Variants in ARID1B observed in about 807,000 individuals in gnomAD.
ARID1B encodes AT-rich interactive domain-containing protein 1B.
A neutral mutation model predicts 212.3 loss-of-function variants in ARID1B; 30 were observed. The ratio of observed to expected loss-of-function variants is 0.14; its 90% CI spans 0.11 to 0.19. The LOEUF is 0.19. Among genes scored for constraint, ARID1B ranks in the 10% least tolerant of loss-of-function variants. The pLI is 1.00. For missense variants in ARID1B, 2,891 were observed against 3,204.0 expected, an observed-to-expected ratio of 0.90 and a Z score of 2.36; for synonymous variants, 1,402 against 1,301.7, an observed-to-expected ratio of 1.08 and a Z score of -1.66.
intron 2 of ARID1B, among the ~76,000 whole-genome samples, chr6:156,850,286 A>G (rs1403816158): frequency 5.3e-5 from 8 of 152,104 alleles, no homozygotes; most frequent in South Asian, 2.1e-4. Context: ...TGACTGGACA[A>G]TATGAATCTG....
chr6:157,002,974 A>G (rs1027989925), intron 4 of ARID1B, among the ~76,000 whole-genome samples: 57 of 152,216 alleles, frequency 3.7e-4, no homozygotes, highest in African/African-American at 1.3e-3. Context: ...GACCAGAAAC[A>G]TGCCAGAGCA....
intron 7 of ARID1B, among the ~76,000 whole-genome samples, chr6:157,142,411 A>G (rs1156591686): frequency 6.6e-6 from 1 of 152,270 alleles, no homozygotes; most frequent in East Asian, 1.9e-4. Flanking sequence ...ATATTGTTTG[A>G]GGCCAGGTGT....
chr6:157,152,859 G>A (rs1277633568), intron 8 of ARID1B, among the ~76,000 whole-genome samples: 1 of 152,230 alleles, frequency 6.6e-6, no homozygotes, highest in Non-Finnish European at 1.5e-5. Context: ...GGAAGAAATG[G>A]CATAGTGTGG....
At chr6:156,993,612 C>G (rs981918840) in intron 4 of ARID1B, among the ~76,000 whole-genome samples, 4 of 152,158 alleles carry the variant, frequency 2.6e-5, no homozygotes, top group African/African-American at 9.7e-5. Context: ...TTCAGACTGG[C>G]CATTGAAGTT....
chr6:157,199,808 C>T (rs1478245071), intron 17 of ARID1B, among the ~76,000 whole-genome samples: 1 of 151,850 alleles, frequency 6.6e-6, no homozygotes, highest in Non-Finnish European at 1.5e-5. Flanking sequence ...GGACTACAGG[C>T]ACCCGCCACC....
intron 1 of ARID1B, among the ~76,000 whole-genome samples, chr6:156,797,774 G>A (rs1780488953): frequency 6.6e-6 from 1 of 152,220 alleles, no homozygotes; most frequent in Non-Finnish European, 1.5e-5. Flanking sequence ...CACAAGGGCC[G>A]CAGCCTGAGG....
intron 4 of ARID1B, chr6:156,942,892 C>T (rs568554742): frequency 3.3e-5 from 5 of 152,206 alleles, no homozygotes; most frequent in South Asian, 2.1e-4. Context: ...ATTTTCACTT[C>T]GCAGGTAACT....
intron 3 of ARID1B, among the ~76,000 whole-genome samples, chr6:156,914,655 A>G (rs146666124): frequency 6.6e-6 from 1 of 152,156 alleles, no homozygotes; most frequent in African/African-American, 2.4e-5. Flanking sequence ...TACTTTTGCA[A>G]CTTGGATCTG....
Position 156,777,983 on chromosome 6 carries a change from C to T in ARID1B, c.303C>T (p.Ser101=). The T allele has an allele frequency of 6.5e-7, 1 of 1,530,944 alleles. No individual in the cohort carries two copies. The highest frequency in any genetic ancestry group is 8.7e-7 in the Non-Finnish European group (1 of 1,144,704). 94.8% of individuals were successfully genotyped at this position (1,530,944 alleles called of 1,614,324 possible). A position where few individuals can be genotyped will look rare whatever the true frequency, so the allele number is the denominator to read the frequency against. ...AAAAGTHSAK[S]GGSEAALKEG... ...CCGCCGGCACCCACAGCGCCAAGAGCGGCGGCTCCGAGGCGGCTCTCAAGG... is the reference window on the plus strand; with the variant it reads ...CCGCCGGCACCCACAGCGCCAAGAGTGGCGGCTCCGAGGCGGCTCTCAAGG... Residue 101 remains serine (S), a synonymous_variant, in exon 1 of 20, where the codon AGC becomes AGT. Transcript: ENST00000636930.
At chr6:156,929,461 C>T (rs188323834) in intron 3 of ARID1B, among the ~76,000 whole-genome samples, 1 of 152,168 alleles carries the variant, frequency 6.6e-6, no homozygotes. Context: ...ACCTCTCCCC[C>T]ACCCTCACAT....
intron 2 of ARID1B, among the ~76,000 whole-genome samples, chr6:156,864,215 G>T (rs1785526684): frequency 6.6e-6 from 1 of 152,166 alleles, no homozygotes; most frequent in Admixed American, 6.5e-5. Flanking sequence ...AGGGTATACT[G>T]GGAATTGTAG....
Position 156,997,447 on chromosome 6 carries a change from C to T in ARID1B, c.2247+61871C>T, listed in dbSNP as rs564688412. On this transcript the variant is annotated intron_variant, in intron 4 of 19. Transcript: ENST00000636930. ...GAAATAACAATTCTTTATATCGTCA[C>T]TGTCATGAATTCTTACCTTTGAATA... 1.2e-4 allele frequency among the ~76,000 whole-genome samples: 19 copies of T among 152,288 alleles called. No individual in the cohort carries two copies. The South Asian group carries it at 3.5e-3, about 28-fold the overall frequency.
rs972087060 is a variant in ARID1B at position 157,178,514 on chromosome 6, C to T, written c.3505-2455C>T. On this transcript the variant is annotated intron_variant, in intron 11 of 19. Coordinates refer to ENST00000636930, the MANE Select transcript of ARID1B (RefSeq NM_001374828.1). ...CCCTGGTTCAGCTAAGTGAGCCAGCCTCGGGAGGCCTCTTCCGAATTTATC... is the reference window on the plus strand; with the variant it reads ...CCCTGGTTCAGCTAAGTGAGCCAGCTTCGGGAGGCCTCTTCCGAATTTATC... Among the ~76,000 whole-genome samples the T allele has an allele frequency of 7.2e-5, 11 of 152,194 alleles. No individual in the cohort carries two copies. In the South Asian group the frequency reaches 1.0e-3, roughly 14 times the overall value.
intron 5 of ARID1B, among the ~76,000 whole-genome samples, chr6:157,095,215 A>C (rs954878434): frequency 6.6e-6 from 1 of 152,156 alleles, no homozygotes; most frequent in Non-Finnish European, 1.5e-5. Flanking sequence ...TGGTCTGGGA[A>C]GTACTGGCCT....
intron 1 of ARID1B, among the ~76,000 whole-genome samples, chr6:156,802,249 C>T (rs866631750): frequency 6.6e-6 from 1 of 152,170 alleles, no homozygotes; most frequent in Non-Finnish European, 1.5e-5. Flanking sequence ...AAATAAACTT[C>T]CTGTTTGCAA....
chr6:156,971,128 G>A (rs1031087100), intron 4 of ARID1B, among the ~76,000 whole-genome samples: 2 of 152,112 alleles, frequency 1.3e-5, no homozygotes, highest in African/African-American at 2.4e-5. Context: ...AAAACTGAAG[G>A]GTTTTTGTAG....
intron 4 of ARID1B, among the ~76,000 whole-genome samples, chr6:156,951,617 G>A (rs554017947): frequency 1.3e-5 from 2 of 151,838 alleles, no homozygotes; most frequent in Non-Finnish European, 2.9e-5. Context: ...CTAATTTTTT[G>A]TGTTTTTAGT....
chr6:156,970,671 A>G (rs1265031115), intron 4 of ARID1B, among the ~76,000 whole-genome samples: 1 of 152,238 alleles, frequency 6.6e-6, no homozygotes, highest in Non-Finnish European at 1.5e-5. Flanking sequence ...TCTGTGGGTC[A>G]TTGGAAAAGG....
At chr6:156,782,310 G>C (rs1482825436) in intron 1 of ARID1B, among the ~76,000 whole-genome samples, 1 of 151,774 alleles carries the variant, frequency 6.6e-6, no homozygotes, top group Non-Finnish European at 1.5e-5. Context: ...GTTTCTATTG[G>C]GTGGCAAATG....
Sources: allele counts gnomAD v4.1 joint callset (sites outside exome capture counted in the v4.1 genomes callset), GRCh38; gene constraint gnomAD v4.1.1; transcripts MANE v1.5; gene names NCBI Gene and HGNC (gene_info 2026-07-23, HGNC 2026-07-21).